GPC5: variants seen among roughly 807,000 people sequenced by gnomAD.
The protein encoded by GPC5 is glypican-5.
In GPC5, 47 loss-of-function variants were observed where a neutral mutation model predicts 53.9. The ratio of observed to expected loss-of-function variants is 0.87; its 90% CI spans 0.69 to 1.11. The LOEUF is 1.11. Ranked by LOEUF, GPC5 falls within the 50% of genes most tolerant of loss-of-function variation. GPC5 has a pLI of 0.00. For missense variants in GPC5, 748 were observed against 713.1 expected, an observed-to-expected ratio of 1.05 and a Z score of -0.56; for synonymous variants, 286 against 263.3, an observed-to-expected ratio of 1.09 and a Z score of -0.84.
At chr13:92,280,948 G>A (rs1268897622) in intron 7 of GPC5, among the ~76,000 whole-genome samples, 1 of 152,186 alleles carries the variant, frequency 6.6e-6, no homozygotes, top group Non-Finnish European at 1.5e-5. Context: ...GCAGGGCAAG[G>A]CATCGCCTCA....
intron 1 of GPC5, among the ~76,000 whole-genome samples, chr13:91,412,359 T>C (rs1877869468): frequency 6.6e-6 from 1 of 152,256 alleles, no homozygotes; most frequent in Non-Finnish European, 1.5e-5. Flanking sequence ...CTTTATTTCT[T>C]GTTCACTGCC....
chr13:91,753,232 G>T (rs755417391), intron 4 of GPC5, among the ~76,000 whole-genome samples: 2 of 152,192 alleles, frequency 1.3e-5, no homozygotes, highest in Non-Finnish European at 2.9e-5. Context: ...TGGCTAGAAA[G>T]TGATGTGTGC....
intron 7 of GPC5, among the ~76,000 whole-genome samples, chr13:92,380,566 A>G (rs1017092958): frequency 5.9e-5 from 9 of 152,134 alleles, no homozygotes; most frequent in Non-Finnish European, 1.0e-4. Flanking sequence ...TGGATTAAGA[A>G]AATGTGGCAC....
At chr13:92,528,518 T>G (rs1178402547) in intron 7 of GPC5, among the ~76,000 whole-genome samples, 1 of 151,990 alleles carries the variant, frequency 6.6e-6, no homozygotes, top group Non-Finnish European at 1.5e-5. Context: ...TGTCTCTAAA[T>G]GATAAGGTAT....
intron 1 of GPC5, among the ~76,000 whole-genome samples, chr13:91,433,741 G>T (rs931455393): frequency 1.8e-4 from 27 of 152,186 alleles, no homozygotes; most frequent in Admixed American, 7.8e-4. Flanking sequence ...GGGTCAAATG[G>T]TATTTCTAGT....
intron 7 of GPC5, among the ~76,000 whole-genome samples, chr13:92,360,068 C>T (rs1480463232): frequency 6.6e-6 from 1 of 151,664 alleles, no homozygotes; most frequent in Non-Finnish European, 1.5e-5. Context: ...TGCAGAAGCT[C>T]TTAAGTTTAA....
intron 6 of GPC5, among the ~76,000 whole-genome samples, chr13:92,028,912 T>A (rs2040820597): frequency 6.6e-6 from 1 of 152,158 alleles, no homozygotes; most frequent in East Asian, 1.9e-4. Context: ...TTCCAGGATG[T>A]TGGTGGCAAG....
intron 2 of GPC5, among the ~76,000 whole-genome samples, chr13:91,608,408 T>G (rs1229272998): frequency 1.3e-5 from 2 of 152,214 alleles, no homozygotes; most frequent in Non-Finnish European, 2.9e-5. Flanking sequence ...GAGAGTAGAC[T>G]TCATTTCCAA....
At chr13:92,703,619 T>A (rs1360883757) in intron 7 of GPC5, among the ~76,000 whole-genome samples, 1 of 148,340 alleles carries the variant, frequency 6.7e-6, no homozygotes, top group Non-Finnish European at 1.5e-5. Context: ...AAAATTGATG[T>A]ATAATTTTTT....
intron 3 of GPC5, among the ~76,000 whole-genome samples, chr13:91,698,745 A>G (rs1250888584): frequency 2.7e-5 from 4 of 145,472 alleles, no homozygotes; most frequent in Admixed American, 6.7e-5. Flanking sequence ...TACAGTAACT[A>G]TCACACATGA....
intron 7 of GPC5, among the ~76,000 whole-genome samples, chr13:92,754,532 G>A (rs1484098946): frequency 1.3e-5 from 2 of 151,232 alleles, no homozygotes; most frequent in Non-Finnish European, 2.9e-5. Flanking sequence ...GACACAAACT[G>A]GCAAATTGGA....
At chr13:92,861,896 AT>A (rs1269342355) in intron 7 of GPC5, among the ~76,000 whole-genome samples, 1 of 152,084 alleles carries the variant, frequency 6.6e-6, no homozygotes, top group South Asian at 2.1e-4. Flanking sequence ...ATTCTAGCTT[AT>A]TTTTTCAAAT....
At chr13:91,593,967 T>C (rs2032901465) in intron 2 of GPC5, among the ~76,000 whole-genome samples, 1 of 152,156 alleles carries the variant, frequency 6.6e-6, no homozygotes, top group African/African-American at 2.4e-5. Flanking sequence ...ATAACAGCTT[T>C]ATTTTTGAAC....
intron 7 of GPC5, among the ~76,000 whole-genome samples, chr13:92,542,259 A>G (rs577269237): frequency 1.3e-5 from 2 of 152,050 alleles, no homozygotes; most frequent in South Asian, 4.1e-4. Context: ...CTACAGTGCT[A>G]TGGAACACTA....
At chr13:92,740,956 A>ATC (rs1889071700) in intron 7 of GPC5, among the ~76,000 whole-genome samples, 1 of 127,030 alleles carries the variant, frequency 7.9e-6, no homozygotes, top group Non-Finnish European at 1.7e-5. Flanking sequence ...ATATATATGT[A>ATC]TGTGTATATA....
chr13:92,263,229 CAT>C (rs1330236126), intron 7 of GPC5, among the ~76,000 whole-genome samples: 1 of 152,024 alleles, frequency 6.6e-6, no homozygotes, highest in African/African-American at 2.4e-5. Flanking sequence ...ACAAATTTAT[CAT>C]GTGTAAATCA....
At chr13:91,487,341 A>G (rs1017735226) in intron 2 of GPC5, among the ~76,000 whole-genome samples, 2 of 152,184 alleles carry the variant, frequency 1.3e-5, no homozygotes, top group Non-Finnish European at 2.9e-5. Context: ...ATGGAAATTA[A>G]CTTATAAAGA....
intron 7 of GPC5, among the ~76,000 whole-genome samples, chr13:92,583,169 T>C (rs972101834): frequency 2.0e-5 from 3 of 152,206 alleles, no homozygotes; most frequent in Non-Finnish European, 4.4e-5. Flanking sequence ...ATCCTGTTCC[T>C]AGTTTATTGA....
intron 7 of GPC5, among the ~76,000 whole-genome samples, chr13:92,480,109 C>G (rs914582261): frequency 6.6e-6 from 1 of 151,968 alleles, no homozygotes; most frequent in Admixed American, 6.6e-5. Context: ...AAGCCTAGAG[C>G]CCCATCTCTA....
Sources: allele counts gnomAD v4.1 joint callset (sites outside exome capture counted in the v4.1 genomes callset), GRCh38; gene constraint gnomAD v4.1.1; transcripts MANE v1.5; gene names NCBI Gene and HGNC (gene_info 2026-07-23, HGNC 2026-07-21).